The following MPHOSPH8 variants were observed in gnomAD, a reference collection of about 807,000 sequenced individuals.
MPHOSPH8 encodes M-phase phosphoprotein, mpp.
A neutral mutation model predicts 87.3 loss-of-function variants in MPHOSPH8; 45 were observed. That is an observed-to-expected ratio of 0.52 (90% confidence interval 0.41 to 0.66). The LOEUF is 0.66. MPHOSPH8 is among the 30% of genes least tolerant of loss of function. The pLI, the probability that MPHOSPH8 is intolerant of heterozygous loss-of-function variation, is 0.00. For synonymous variants in MPHOSPH8, 366 were observed against 376.9 expected (o/e 0.97, Z 0.33); for missense variants, 883 against 1,020.2 (o/e 0.87, Z 1.83).
intron 11 of MPHOSPH8, among the ~76,000 whole-genome samples, chr13:19,669,942 C>T (rs1362557102): frequency 6.6e-6 from 1 of 152,246 alleles, no homozygotes; most frequent in Non-Finnish European, 1.5e-5. Flanking sequence ...GCACATTCAG[C>T]AGCAGTGTTT....
intron 5 of MPHOSPH8, among the ~76,000 whole-genome samples, chr13:19,658,157 T>C (rs1420707033): frequency 6.6e-6 from 1 of 152,208 alleles, no homozygotes; most frequent in Non-Finnish European, 1.5e-5. Flanking sequence ...AAGTGTTAGT[T>C]TGAGTTGAGG....
At chr13:19,659,767 T>C in intron 7 of MPHOSPH8, 1 of 314,114 alleles carries the variant, frequency 3.2e-6, no homozygotes, top group Non-Finnish European at 6.4e-6. Flanking sequence ...CCCTCCCCTC[T>C]AAAAGTGATG....
chr13:19,666,242 TGCATTTAA>T lies in MPHOSPH8; in HGVS notation c.2020-179_2020-172del, dbSNP rs1875806526. On this transcript the variant is annotated intron_variant, in intron 9 of 13. Transcript: ENST00000361479. Reference sequence around the variant, plus strand: ...CCCTGAGTCAAAGATACTCCCCACTTGCATTTAAGCAATGCTGTGTGACTCCTAACGCT... The same window carrying T: ...CCCTGAGTCAAAGATACTCCCCACTTGCAATGCTGTGTGACTCCTAACGCT... Among the ~76,000 whole-genome samples the T allele has an allele frequency of 2.0e-5, 3 of 152,248 alleles. No individual in the cohort carries two copies. In the South Asian group the frequency reaches 6.2e-4, roughly 31 times the overall value.
In MPHOSPH8 at chr13:19,650,067, T is replaced by G. The variant is rs1874761640; in HGVS notation, c.1383T>G (p.Val461=). Residue 461 remains valine (V), a synonymous_variant, in exon 5 of 14, where the codon GTT becomes GTG. Transcript: ENST00000361479. ...TAACTCCAGAAGAAAAAAATGATGT[T>G]TCTGAGAATAATCGGAAAAGGGAAG... ...FKLTPEEKND[V]SENNRKREEI... The G allele has an allele frequency of 6.2e-7, 1 of 1,611,560 alleles. No homozygotes were observed. The highest frequency in any genetic ancestry group is 2.2e-5 in the East Asian group (1 of 44,852).
In MPHOSPH8 at chr13:19,633,768, G is replaced by C; in HGVS notation, c.20G>C (p.Gly7Ala). ...GCTAGGATGGAGCAGGTTGCGGAGG[G>C]AGCAAGGGTGACCGCAGTCCCTGTG... is the stretch of plus-strand genomic sequence containing the variant. MEQVAE[G>A]ARVTAVPVSA... Residue 7 changes from glycine (G) to alanine (A), a missense_variant, in exon 1 of 14, where the codon GGA (glycine) becomes GCA (alanine). By Grantham distance (60) the Gly-to-Ala change is moderately conservative. Coordinates refer to ENST00000361479, the MANE Select transcript of MPHOSPH8 (RefSeq NM_017520.4). 1 of 1,600,978 alleles carries C rather than the reference G, an allele frequency of 6.2e-7. No individual in the cohort carries two copies. The highest frequency in any genetic ancestry group is 8.5e-7 in the Non-Finnish European group (1 of 1,174,648).
rs1273135994 is a variant in MPHOSPH8 at position 19,663,225 on chromosome 13, G to C, written c.2019+99G>C. 24 of 1,074,156 alleles carry C rather than the reference G, an allele frequency of 2.2e-5. No homozygotes were observed. In the East Asian group the frequency reaches 5.5e-4, roughly 24 times the overall value. 66.5% of individuals were successfully genotyped at this position (1,074,156 alleles called of 1,614,324 possible). On this transcript the variant is annotated intron_variant, in intron 9 of 13. Coordinates refer to ENST00000361479, the MANE Select transcript of MPHOSPH8 (RefSeq NM_017520.4). ...GGCACTGTGCTGGGGACTGAGAACA[G>C]AGTGGGTACCAAGACAGTCCTAGAG...
At chr13:19,660,379 T>C (rs9551944) in intron 7 of MPHOSPH8, among the ~76,000 whole-genome samples, 127,485 of 152,104 alleles carry the variant, frequency 0.84, 54,125 homozygotes, top group East Asian at 0.97. Flanking sequence ...TCATATCTGT[T>C]GATCTTTTAC....
At chr13:19,669,641 TG>T (rs1876012650) in intron 11 of MPHOSPH8, among the ~76,000 whole-genome samples, 1 of 151,936 alleles carries the variant, frequency 6.6e-6, no homozygotes. Context: ...CCCGAGTAGC[TG>T]GAATTACAGG....
chr13:19,665,293 G>T (rs530585710), intron 9 of MPHOSPH8, among the ~76,000 whole-genome samples: 1 of 152,346 alleles, frequency 6.6e-6, no homozygotes, highest in East Asian at 1.9e-4. Context: ...GTTGAAGTTT[G>T]AGTTTTAGAA....
At position 19,633,783 on chromosome 13, in the gene MPHOSPH8, C is replaced by T. The variant is rs146735121; in HGVS notation, c.35C>T (p.Ala12Val). 1 of 1,606,060 alleles carries T rather than the reference C, an allele frequency of 6.2e-7. No homozygotes were observed. Among genetic ancestry groups the T allele is most frequent in the Non-Finnish European group, 8.5e-7 (1 of 1,176,930 alleles). ...GTTGCGGAGGGAGCAAGGGTGACCG[C>T]AGTCCCTGTGTCAGCTGCCGACAGC... ...EQVAEGARVT[A>V]VPVSAADSTE... is the part of the protein sequence containing the mutation. The change falls in exon 1 of 14, where the codon GCA becomes GTA. Residue 12 changes from alanine to valine, a missense_variant. By Grantham distance (64) the Ala-to-Val change is moderately conservative (BLOSUM62 0). Around this residue, in one of 3 missense-constraint regions of MPHOSPH8, gnomAD observed 103 missense variants for 96.3 expected, o/e 1.07. Coordinates refer to ENST00000361479, the MANE Select transcript of MPHOSPH8 (RefSeq NM_017520.4).
chr13:19,659,766 C>G (rs1674546), intron 7 of MPHOSPH8: 10 of 314,596 alleles, frequency 3.2e-5, no homozygotes, highest in African/African-American at 1.8e-4. Context: ...CCCCTCCCCT[C>G]TAAAAGTGAT....
At position 19,670,252 on chromosome 13, in the gene MPHOSPH8, G is replaced by A. The variant is rs906082822; in HGVS notation, c.2346G>A (p.Leu782=). Reference sequence around the variant, plus strand: ...CATTTTCAGGCTCTGGCATCCTGCTGTTTATCTTCCATGCAAACTTTTTGG... The same window carrying A: ...CATTTTCAGGCTCTGGCATCCTGCTATTTATCTTCCATGCAAACTTTTTGG... ...QNIPEGSGIL[L]FIFHANFLGK... The change falls in exon 12 of 14, where the codon CTG becomes CTA. Residue 782 remains leucine (L), a synonymous_variant. Coordinates refer to ENST00000361479, the MANE Select transcript of MPHOSPH8 (RefSeq NM_017520.4). 1.4e-5 allele frequency: 22 copies of A among 1,614,062 alleles called. No homozygotes were observed. The highest frequency in any genetic ancestry group is 1.8e-5 in the Non-Finnish European group (21 of 1,180,034).
chr13:19,664,985 G>A (rs1221744111), intron 9 of MPHOSPH8, among the ~76,000 whole-genome samples: 1 of 152,100 alleles, frequency 6.6e-6, no homozygotes, highest in East Asian at 1.9e-4. Flanking sequence ...AGTGGTCCAC[G>A]GGCTGGCAGC....
At chr13:19,668,633 T>A in intron 11 of MPHOSPH8, 102 bp downstream of exon 11, 1 of 1,278,054 alleles carries the variant, frequency 7.8e-7, no homozygotes, top group South Asian at 1.5e-5. Flanking sequence ...TTAAGGAAAT[T>A]CCATTACGTG....
Position 19,633,972 on chromosome 13 carries a change from G to C in MPHOSPH8, c.213+11G>C, listed in dbSNP as rs753244241. 8.1e-6 allele frequency: 13 copies of C among 1,600,852 alleles called. No individual in the cohort carries two copies. In the East Asian group the frequency reaches 2.9e-4, roughly 36 times the overall value. ...ATGAAGACCGAGGGGGTATGTGGAG[G>C]GGCCCCGGCGCGGGGCTGGGCGGGG... On this transcript the variant is annotated intron_variant, in intron 1 of 13. Transcript: ENST00000361479.
chr13:19,673,054 C>G lies in MPHOSPH8; in HGVS notation c.*1179C>G. On this transcript the variant is annotated 3_prime_UTR_variant, in exon 14 of 14. Transcript: ENST00000361479. Reference sequence around the variant, plus strand: ...TGAGTGACAGAATGAGACCTTGTCTCAAAAAAAAAAAAAAGTTTCTTGGAA... The same window carrying G: ...TGAGTGACAGAATGAGACCTTGTCTGAAAAAAAAAAAAAAGTTTCTTGGAA... 2.5e-6 allele frequency: 1 copy of G among 394,682 alleles called. No individual in the cohort carries two copies. The highest frequency in any genetic ancestry group is 4.9e-6 in the Non-Finnish European group (1 of 203,996). 24.4% of individuals were successfully genotyped at this position (394,682 alleles called of 1,614,324 possible). A position where few individuals can be genotyped will look rare whatever the true frequency, so the allele number is the denominator to read the frequency against.
intron 5 of MPHOSPH8, among the ~76,000 whole-genome samples, chr13:19,656,985 G>A (rs1875216437): frequency 6.7e-6 from 1 of 150,244 alleles, no homozygotes; most frequent in Admixed American, 6.6e-5. Flanking sequence ...AGCCAGTTGT[G>A]GTGGCATACG....
intron 5 of MPHOSPH8, 147 bp downstream of exon 5, chr13:19,650,407 A>C: frequency 1.1e-6 from 1 of 921,850 alleles, no homozygotes. Context: ...AACATTTTAT[A>C]TTGAAGACGG....
chr13:19,647,392 C>G, intron 3 of MPHOSPH8, 101 bp downstream of exon 3: 1 of 986,454 alleles, frequency 1.0e-6, no homozygotes, highest in South Asian at 2.1e-5. Flanking sequence ...GTGTTTATGA[C>G]CATGGGCGGT....
Sources: gnomAD v4.1 joint callset for allele counts (sites outside exome capture counted in the v4.1 genomes callset) on GRCh38, gnomAD v4.1.1 for gene constraint, gnomAD v4.1.1 regional missense constraint, MANE v1.5 for transcripts, NCBI Gene and HGNC (gene_info 2026-07-23, HGNC 2026-07-21) for gene names.